Variants in AKT3 observed in about 807,000 individuals in gnomAD.
AKT3 encodes the protein RAC-gamma serine/threonine-protein kinase.
A neutral mutation model predicts 65.3 loss-of-function variants in AKT3; 15 were observed. The ratio of observed to expected loss-of-function variants is 0.23; its 90% CI spans 0.15 to 0.35. The LOEUF (loss-of-function observed/expected upper bound fraction) is 0.35, where lower values mean the gene tolerates loss of function less well. Among genes scored for constraint, AKT3 ranks in the 10% least tolerant of loss-of-function variants. The pLI is 1.00. For missense variants in AKT3, 243 were observed against 576.5 expected (o/e 0.42, Z 5.92); for synonymous variants, 206 against 183.8 (o/e 1.12, Z -0.98).
intron 10 of AKT3, among the ~76,000 whole-genome samples, chr1:243,555,402 C>G (rs1417194082): frequency 1.3e-5 from 2 of 152,048 alleles, no homozygotes; most frequent in Admixed American, 1.3e-4. Flanking sequence ...TTTCTCTTTC[C>G]TGAATCTAAA....
chr1:243,597,052 T>C (rs1676665794), intron 8 of AKT3, among the ~76,000 whole-genome samples: 1 of 152,188 alleles, frequency 6.6e-6, no homozygotes, highest in African/African-American at 2.4e-5. Context: ...GTGGATGTAC[T>C]ATGGGTACAG....
chr1:243,773,928 T>C (rs1247911485), intron 2 of AKT3, among the ~76,000 whole-genome samples: 1 of 152,180 alleles, frequency 6.6e-6, no homozygotes, highest in Admixed American at 6.5e-5. Flanking sequence ...ATCAATACTC[T>C]AGTGTGTTTA....
intron 5 of AKT3, among the ~76,000 whole-genome samples, chr1:243,644,048 T>A (rs1021001311): frequency 6.6e-6 from 1 of 152,202 alleles, no homozygotes; most frequent in Non-Finnish European, 1.5e-5. Context: ...AGAACTATTT[T>A]AAATTATTTC....
intron 8 of AKT3, among the ~76,000 whole-genome samples, chr1:243,600,137 A>G (rs1558644420): frequency 6.6e-6 from 1 of 152,134 alleles, no homozygotes; most frequent in Non-Finnish European, 1.5e-5. Context: ...TAAAAACTAC[A>G]TAATATTGTT....
chr1:243,756,413 G>T lies in AKT3; in HGVS notation c.47-60697C>A, dbSNP rs539977484. On this transcript the variant is annotated intron_variant, in intron 2 of 13. Transcript: ENST00000673466. Reference sequence around the variant, plus strand: ...TTACTGTGCCAGAGAGTAAGAAGGTGCTCAGAGAATGATGGGGACATGTTA... The same window carrying T: ...TTACTGTGCCAGAGAGTAAGAAGGTTCTCAGAGAATGATGGGGACATGTTA... 3.8e-4 allele frequency among the ~76,000 whole-genome samples: 58 copies of T among 152,288 alleles called. 1 individual carries two copies. Among genetic ancestry groups the T allele is most frequent in the African/African-American group, 1.3e-3 (54 of 41,574 alleles).
At chr1:243,820,725 G>T (rs969844561) in intron 2 of AKT3, among the ~76,000 whole-genome samples, 3 of 152,024 alleles carry the variant, frequency 2.0e-5, no homozygotes, top group Non-Finnish European at 2.9e-5. Context: ...ATCTTCCCAA[G>T]ATTAGAGAAA....
intron 8 of AKT3, among the ~76,000 whole-genome samples, chr1:243,602,233 A>G (rs1269070883): frequency 6.6e-6 from 1 of 152,226 alleles, no homozygotes; most frequent in Non-Finnish European, 1.5e-5. Context: ...ATGAAATTAT[A>G]TACTAAAAAT....
Position 243,563,801 on chromosome 1 carries a change from A to G in AKT3, c.867T>C (p.Asp289=). The change falls in exon 10 of 14, where the codon GAT becomes GAC. Residue 289 remains aspartate (D), a synonymous_variant. Transcript: ENST00000673466. ...TGATCCCTTCTTTGCAAAGTCCAAA[A>G]TCTGTAATTTTTATGTGGCCATCTT... The part of the protein sequence containing the change: ...LDKDGHIKIT[D]FGLCKEGITD... The G allele has an allele frequency of 3.1e-6, 5 of 1,612,916 alleles. No individual in the cohort carries two copies. Among genetic ancestry groups the G allele is most frequent in the Non-Finnish European group, 4.2e-6 (5 of 1,179,540 alleles).
chr1:243,499,101 G>A (rs888230333), downstream of AKT3, among the ~76,000 whole-genome samples: 1 of 152,182 alleles, frequency 6.6e-6, no homozygotes, highest in Non-Finnish European at 1.5e-5. Context: ...GGCAGCAGAG[G>A]CCAGGAACAG....
chr1:243,674,296 G>C (rs1174927058), intron 3 of AKT3, among the ~76,000 whole-genome samples: 2 of 152,142 alleles, frequency 1.3e-5, no homozygotes, highest in Non-Finnish European at 2.9e-5. Flanking sequence ...AACCACATGA[G>C]AGAAACTTAG....
intron 9 of AKT3, among the ~76,000 whole-genome samples, chr1:243,568,539 G>A (rs564589717): frequency 1.5e-3 from 225 of 152,142 alleles, no homozygotes; most frequent in African/African-American, 4.9e-3. Context: ...ACTTGACAGA[G>A]GGTCTTGATT....
chr1:243,527,561 C>T (rs1671194177), intron 12 of AKT3, among the ~76,000 whole-genome samples: 1 of 152,116 alleles, frequency 6.6e-6, no homozygotes, highest in African/African-American at 2.4e-5. Flanking sequence ...TTGGGATTTT[C>T]AACCTCAGCT....
chr1:243,537,230 C>T (rs1671996945), intron 12 of AKT3, among the ~76,000 whole-genome samples: 1 of 152,106 alleles, frequency 6.6e-6, no homozygotes, highest in South Asian at 2.1e-4. Flanking sequence ...TCCCTCCTGA[C>T]TTCCCTTTCA....
At chr1:243,750,878 A>C (rs1688771233) in intron 2 of AKT3, among the ~76,000 whole-genome samples, 1 of 152,090 alleles carries the variant, frequency 6.6e-6, no homozygotes, top group Admixed American at 6.6e-5. Flanking sequence ...CACCACACCT[A>C]GCCAATTAAG....
intron 2 of AKT3, among the ~76,000 whole-genome samples, chr1:243,743,697 T>C (rs1688305641): frequency 6.6e-6 from 1 of 152,182 alleles, no homozygotes; most frequent in African/African-American, 2.4e-5. Context: ...TCTACTTCAT[T>C]AGTTATCAGG....
At chr1:243,817,643 A>T (rs1693611282) in intron 2 of AKT3, among the ~76,000 whole-genome samples, 1 of 152,214 alleles carries the variant, frequency 6.6e-6, no homozygotes, top group South Asian at 2.1e-4. Flanking sequence ...GAGGAGGCTG[A>T]GACAGGAGAA....
At chr1:243,625,537 T>C (rs549444435) in intron 6 of AKT3, among the ~76,000 whole-genome samples, 1 of 152,148 alleles carries the variant, frequency 6.6e-6, no homozygotes, top group East Asian at 1.9e-4. Flanking sequence ...GCTATGGCTG[T>C]TAGCCTCCAG....
At chr1:243,794,515 G>T (rs958581892) in intron 2 of AKT3, 1 of 152,120 alleles carries the variant, frequency 6.6e-6, no homozygotes, top group African/African-American at 2.4e-5. Flanking sequence ...ACAAAATTTG[G>T]AACATATTCT....
At chr1:243,690,921 TCA>T (rs761425683) in intron 3 of AKT3, among the ~76,000 whole-genome samples, 11 of 152,074 alleles carry the variant, frequency 7.2e-5, no homozygotes, top group Non-Finnish European at 1.5e-4. Flanking sequence ...AAAAGTTAAG[TCA>T]TAAAATACAA....
Sources: gnomAD v4.1 joint callset for allele counts (sites outside exome capture counted in the v4.1 genomes callset) on GRCh38, gnomAD v4.1.1 for gene constraint, MANE v1.5 for transcripts, NCBI Gene and HGNC (gene_info 2026-07-23, HGNC 2026-07-21) for gene names.